The following RDX variants were observed in gnomAD, a reference collection of about 807,000 sequenced individuals.
RDX encodes radixin, also known as deafness, autosomal recessive 24.
A neutral mutation model predicts 83.7 loss-of-function variants in RDX; 32 were observed. The observed-to-expected ratio is 0.38, with a 90% CI of 0.29 to 0.51. The LOEUF (loss-of-function observed/expected upper bound fraction) is 0.51, where lower values mean the gene tolerates loss of function less well. RDX is among the 20% of genes least tolerant of loss of function. RDX has a pLI of 0.87. For missense variants in RDX, 600 were observed against 689.9 expected, an observed-to-expected ratio of 0.87 and a Z score of 1.46; for synonymous variants, 229 against 222.7, an observed-to-expected ratio of 1.03 and a Z score of -0.25.
chr11:110,279,420 G>C (rs1218017216), intron 2 of RDX, among the ~76,000 whole-genome samples: 1 of 152,184 alleles, frequency 6.6e-6, no homozygotes, highest in Non-Finnish European at 1.5e-5. Context: ...CAGCTACTCA[G>C]GAGGCTGAGG....
chr11:110,283,618 G>C (rs1305048101), intron 1 of RDX, among the ~76,000 whole-genome samples: 1 of 152,098 alleles, frequency 6.6e-6, no homozygotes, highest in African/African-American at 2.4e-5. Flanking sequence ...CCAGCACTTT[G>C]AGAGCCTGAG....
At chr11:110,280,924 G>A (rs1860736868) in intron 1 of RDX, among the ~76,000 whole-genome samples, 1 of 152,210 alleles carries the variant, frequency 6.6e-6, no homozygotes, top group Non-Finnish European at 1.5e-5. Context: ...CAGCACTTTG[G>A]GAGGCCGGGG....
At chr11:110,280,503 C>T (rs1208684989) in intron 1 of RDX, among the ~76,000 whole-genome samples, 1 of 152,242 alleles carries the variant, frequency 6.6e-6, no homozygotes, top group Non-Finnish European at 1.5e-5. Flanking sequence ...CCCAACTGTG[C>T]CTCCCAAAGT....
At chr11:110,185,831 A>G (rs2134221501) in intron 15 of RDX, among the ~76,000 whole-genome samples, 1 of 152,240 alleles carries the variant, frequency 6.6e-6, no homozygotes, top group East Asian at 1.9e-4. Flanking sequence ...GGAGGTGCTT[A>G]TGCTTCCTGC....
intron 5 of RDX, chr11:110,263,327 C>T (rs1859877125): frequency 6.6e-6 from 1 of 151,960 alleles, no homozygotes; most frequent in Non-Finnish European, 1.5e-5. Flanking sequence ...CAGCCTGCCA[C>T]TTACTCTCAC....
intron 15 of RDX, among the ~76,000 whole-genome samples, chr11:110,184,542 G>A (rs565953931): frequency 7.2e-5 from 11 of 152,338 alleles, no homozygotes; most frequent in South Asian, 2.1e-4. Context: ...GATGGAAATC[G>A]GCAGAGGGAA....
chr11:110,286,756 C>T (rs567946944), intron 1 of RDX, among the ~76,000 whole-genome samples: 8 of 152,282 alleles, frequency 5.3e-5, no homozygotes, highest in African/African-American at 1.9e-4. Flanking sequence ...GAGAAAGCTG[C>T]ACAACAAAGA....
At chr11:110,197,822 T>C (rs919338155) in intron 15 of RDX, among the ~76,000 whole-genome samples, 2 of 152,180 alleles carry the variant, frequency 1.3e-5, no homozygotes, top group Non-Finnish European at 2.9e-5. Flanking sequence ...AGCTCAAATA[T>C]CAGAAATAAG....
At chr11:110,199,729 G>A (rs1023215633) in intron 14 of RDX, 5 of 702,920 alleles carry the variant, frequency 7.1e-6, no homozygotes, top group African/African-American at 1.7e-5. Flanking sequence ...AAAGAACACA[G>A]TAGGAAGCTG....
At position 110,231,790 on chromosome 11, in the gene RDX, T is replaced by G. The variant is rs55953813; in HGVS notation, c.*79A>C. 7.3e-3 allele frequency: 11,037 copies of G among 1,520,178 alleles called. 80 individuals are homozygous for G. The highest frequency in any genetic ancestry group is 0.022 in the Middle Eastern group (96 of 4,296). The allele number at this position is 1,520,178 out of a possible 1,614,324, so 94.2% of individuals were successfully genotyped here. On this transcript the variant is annotated 3_prime_UTR_variant, in exon 14 of 14. Transcript: ENST00000645495. ...AAGTGCTTTGGCAAGGTGGGATGCA[T>G]TCCATCATATCTGCAAAGGCCTGCT...
chr11:110,271,688 C>T (rs557016181), intron 3 of RDX, among the ~76,000 whole-genome samples: 7 of 151,994 alleles, frequency 4.6e-5, no homozygotes, highest in African/African-American at 1.5e-4. Flanking sequence ...GTGACTAATA[C>T]GCACTCAAGA....
intron 5 of RDX, chr11:110,263,380 A>G (rs1009027861): frequency 2.0e-5 from 3 of 152,208 alleles, no homozygotes; most frequent in African/African-American, 7.2e-5. Flanking sequence ...CCAAGCAGCA[A>G]CAGTCACATC....
rs1427234144 is a variant in RDX, at chr11:110,199,711, A to G, written c.1749-33T>C. ...AAGAGACATTAAGAGATTAGAAAGCATTTAGCAAAAGAACACAGTAGGAAG... is the reference window on the plus strand; with the variant it reads ...AAGAGACATTAAGAGATTAGAAAGCGTTTAGCAAAAGAACACAGTAGGAAG... On this transcript the variant is annotated intron_variant, in intron 14 of 15. Coordinates refer to the RDX transcript ENST00000528498. The G allele has an allele frequency of 7.1e-6, 5 of 702,996 alleles. No homozygotes were observed. The South Asian group carries it at 7.4e-5, about 10-fold the overall frequency. 43.5% of individuals were successfully genotyped at this position (702,996 alleles called of 1,614,324 possible).
At chr11:110,264,667 A>C in intron 4 of RDX, 112 bp downstream of exon 4, 1 of 712,180 alleles carries the variant, frequency 1.4e-6, no homozygotes, top group South Asian at 1.8e-5. Context: ...ATAATGATTA[A>C]CAGATAACTA....
chr11:110,253,933 A>G lies in RDX; in HGVS notation c.959+13T>C, dbSNP rs2134354233. The stretch of plus-strand genomic sequence containing the variant: ...TCCTATCAATTAAAAGTGAAAGGTC[A>G]TAAACCCCATACCTTTCCAACTGCT... On this transcript the variant is annotated intron_variant, in intron 9 of 13. Coordinates refer to ENST00000645495, the MANE Select transcript of RDX (RefSeq NM_002906.4). 1 of 1,612,488 alleles carries G rather than the reference A, an allele frequency of 6.2e-7. No homozygotes were observed. The highest frequency in any genetic ancestry group is 2.2e-5 in the East Asian group (1 of 44,810).
intron 15 of RDX, among the ~76,000 whole-genome samples, chr11:110,180,654 CTT>C (rs11295043): frequency 1.8e-3 from 254 of 141,912 alleles, no homozygotes; most frequent in Middle Eastern, 3.6e-3. Flanking sequence ...TATCTCAGAA[CTT>C]TTTTTTTTTT....
intron 15 of RDX, among the ~76,000 whole-genome samples, chr11:110,187,470 G>C (rs2134223085): frequency 6.6e-6 from 1 of 152,280 alleles, no homozygotes; most frequent in Non-Finnish European, 1.5e-5. Context: ...TTCCTGAGCA[G>C]AGATCATGGT....
rs745617754 is a variant in RDX at position 110,272,637 on chromosome 11, G to C, written c.13-18C>G. 6.5e-7 allele frequency: 1 copy of C among 1,541,060 alleles called. No homozygotes were observed. The highest frequency in any genetic ancestry group is 2.3e-5 in the East Asian group (1 of 43,744). ...ACGTTGATCTGTAATAAAAATAAAA[G>C]GAATAATAAGTAGAAGAGAAGTTAT... On this transcript the variant is annotated intron_variant, in intron 2 of 13. Transcript: ENST00000645495.
intron 15 of RDX, among the ~76,000 whole-genome samples, chr11:110,175,810 A>G (rs1360642663): frequency 6.6e-6 from 1 of 152,248 alleles, no homozygotes. Context: ...TAAACTCTGG[A>G]GGAGATTTAT....
Sources: gnomAD v4.1 joint callset for allele counts (sites outside exome capture counted in the v4.1 genomes callset) on GRCh38, gnomAD v4.1.1 for gene constraint, MANE v1.5 for transcripts, NCBI Gene and HGNC (gene_info 2026-07-23, HGNC 2026-07-21) for gene names.